WDR44: variants seen among roughly 807,000 people sequenced by gnomAD.
WDR44 encodes WD repeat domain 44, also known as WD repeat-containing protein 44.
Under a neutral mutation model 65.7 loss-of-function variants are expected in WDR44, and 9 were observed. That is an observed-to-expected ratio of 0.14 (90% confidence interval 0.08 to 0.24). WDR44 has a LOEUF of 0.24. Ranked by LOEUF, WDR44 falls within the 10% of genes least tolerant of loss-of-function variation. The pLI is 1.00. For missense variants in WDR44, 425 were observed against 670.9 expected (o/e 0.63, Z 4.05); for synonymous variants, 220 against 235.2 (o/e 0.94, Z 0.59).
Position 118,394,307 on chromosome X carries a change from C to T in WDR44, c.957+122C>T, listed in dbSNP as rs191979141. 1.2e-3 allele frequency: 1,199 copies of T among 978,144 alleles called. 2 individuals are homozygous for T. The highest frequency in any genetic ancestry group is 3.4e-3 in the South Asian group (132 of 38,418). The allele number at this position is 978,144 out of a possible 1,213,427, so 80.6% of individuals were successfully genotyped here. ...TTCTTTGTCCTCCAAACCTGACCCC[C>T]TTACTTCTCTTGATCAGCTCTGCTA... On this transcript the variant is annotated intron_variant, in intron 5 of 19. Coordinates refer to ENST00000254029, the MANE Select transcript of WDR44 (RefSeq NM_019045.5).
intron 19 of WDR44, among the ~76,000 whole-genome samples, chrX:118,447,848 T>A (rs1334665962): frequency 2.0e-5 from 2 of 98,955 alleles, no homozygotes; most frequent in Non-Finnish European, 4.1e-5. Flanking sequence ...CATTCCAGCC[T>A]GTGCAACAGA....
chrX:118,436,996 T>A (rs1021569701), intron 14 of WDR44, among the ~76,000 whole-genome samples, 172 bp downstream of exon 14: 4 of 112,123 alleles, frequency 3.6e-5, no homozygotes, highest in Non-Finnish European at 7.5e-5. Flanking sequence ...AATATTCTGC[T>A]GATCTGCATT....
At chrX:118,442,114 T>C in intron 15 of WDR44, 130 bp from the exon 16 acceptor site, 1 of 489,702 alleles carries the variant, frequency 2.0e-6, no homozygotes, top group East Asian at 3.6e-5. Context: ...CAATTGTTGC[T>C]CACTACAGCC....
At chrX:118,407,073 A>T in intron 10 of WDR44, 47 bp downstream of exon 10, 1 of 1,144,339 alleles carries the variant, frequency 8.7e-7, no homozygotes. Flanking sequence ...TTTTGTTAAG[A>T]GAAATACTTT....
At chrX:118,430,611 G>A (rs892860949) in intron 12 of WDR44, among the ~76,000 whole-genome samples, 9 of 107,748 alleles carry the variant, frequency 8.4e-5, no homozygotes, top group Non-Finnish European at 1.4e-4. Flanking sequence ...AGGCCGAGGC[G>A]GGTGGATCAC....
At position 118,346,454 on chromosome X, in the gene WDR44, C is replaced by A; in HGVS notation, c.-50C>A. Reference sequence around the variant, plus strand: ...GTCGACGAGGAGGAGACAAGAGTCACCCTTCCTCCAGGCGGCGCCGGCCCC... The same window carrying A: ...GTCGACGAGGAGGAGACAAGAGTCAACCTTCCTCCAGGCGGCGCCGGCCCC... On this transcript the variant is annotated 5_prime_UTR_variant, in exon 1 of 20. Transcript: ENST00000254029. The A allele has an allele frequency of 8.9e-7, 1 of 1,120,434 alleles. No individual in the cohort carries two copies. The highest frequency in any genetic ancestry group is 1.2e-6 in the Non-Finnish European group (1 of 813,439). The allele number at this position is 1,120,434 out of a possible 1,213,427, so 92.3% of individuals were successfully genotyped here. A position where few individuals can be genotyped will look rare whatever the true frequency, so the allele number is the denominator to read the frequency against.
At chrX:118,446,162 C>T (rs917715861) in intron 19 of WDR44, among the ~76,000 whole-genome samples, 21 of 111,428 alleles carry the variant, frequency 1.9e-4, no homozygotes, top group African/African-American at 6.8e-4. Context: ...TATGGTTGCA[C>T]ACCTCTGTAA....
At chrX:118,415,599 G>A (rs765812969) in intron 12 of WDR44, among the ~76,000 whole-genome samples, 7 of 111,560 alleles carry the variant, frequency 6.3e-5, no homozygotes, top group Admixed American at 3.8e-4. Context: ...CGCCTCCTGG[G>A]TTCCAACGAT....
At chrX:118,365,830 A>G (rs1385785366) in intron 1 of WDR44, among the ~76,000 whole-genome samples, 1 of 112,217 alleles carries the variant, frequency 8.9e-6, no homozygotes, top group African/African-American at 3.2e-5. Flanking sequence ...GGGCTCTTAA[A>G]CAATTAAACA....
chrX:118,386,136 G>C (rs1431864476), intron 2 of WDR44, among the ~76,000 whole-genome samples: 1 of 111,248 alleles, frequency 9.0e-6, no homozygotes, highest in Non-Finnish European at 1.9e-5. Context: ...ACTTGTATAA[G>C]TGCCACCTAA....
chrX:118,352,350 A>ATTTTTTT (rs2056419703), intron 1 of WDR44, among the ~76,000 whole-genome samples: 1 of 20,308 alleles, frequency 4.9e-5, no homozygotes, highest in Non-Finnish European at 6.6e-5. Context: ...ATATATATAT[A>ATTTTTTT]TATTTTTTTT....
chrX:118,366,570 A>G (rs1390320283), intron 1 of WDR44, among the ~76,000 whole-genome samples: 1 of 111,667 alleles, frequency 9.0e-6, no homozygotes, highest in Non-Finnish European at 1.9e-5. Flanking sequence ...CGAAAGAGAC[A>G]TATCAACTGA....
At chrX:118,395,510 TTA>T (rs755170111) in intron 6 of WDR44, among the ~76,000 whole-genome samples, 166 bp downstream of exon 6, 1 of 111,697 alleles carries the variant, frequency 9.0e-6, no homozygotes, top group South Asian at 3.7e-4. Flanking sequence ...ATGGTAAATT[TTA>T]TGTTATGTGT....
chrX:118,410,071 A>G (rs954427051), intron 11 of WDR44, among the ~76,000 whole-genome samples: 1 of 112,626 alleles, frequency 8.9e-6, no homozygotes, highest in African/African-American at 3.2e-5. Context: ...GCCTCAGAAC[A>G]TTATGTACAC....
chrX:118,364,187 A>G (rs2056534933), intron 1 of WDR44, among the ~76,000 whole-genome samples: 2 of 112,615 alleles, frequency 1.8e-5, no homozygotes, highest in African/African-American at 6.4e-5. Flanking sequence ...AACTATTATG[A>G]CAGTCTACAA....
At chrX:118,373,192 C>T (rs770050252) in intron 1 of WDR44, among the ~76,000 whole-genome samples, 40 of 110,958 alleles carry the variant, frequency 3.6e-4, no homozygotes, top group Non-Finnish European at 6.6e-4. Flanking sequence ...GGCATAGTAA[C>T]TTAGGGTCCT....
chrX:118,413,314 T>C (rs1056820935), intron 12 of WDR44, among the ~76,000 whole-genome samples: 8 of 112,322 alleles, frequency 7.1e-5, no homozygotes, highest in African/African-American at 2.6e-4. Flanking sequence ...CCACTAGCAG[T>C]GTAGAAGTGT....
intron 2 of WDR44, among the ~76,000 whole-genome samples, chrX:118,378,709 CGTGTGTGTGTGT>C (rs61698360): frequency 4.2e-5 from 4 of 94,455 alleles, no homozygotes; most frequent in Admixed American, 2.5e-4. Flanking sequence ...AATAAAAGAA[CGTGTGTGTGTGT>C]GTGTGTGTGT....
rs1235782983 is a variant in WDR44 at position 118,387,360 on chromosome X, C to T, written c.132C>T (p.Tyr44=). 1 of 1,197,467 alleles carries T rather than the reference C, an allele frequency of 8.4e-7. No individual in the cohort carries two copies. Among genetic ancestry groups the T allele is most frequent in the East Asian group, 3.0e-5 (1 of 33,283 alleles). ...STFKETENTA[Y]KVGNESPVQE... is the part of the protein sequence containing the mutation. ...AACAGGAAACAGAGAACACTGCATA[C>T]AAAGTTGGAAATGAGTCCCCTGTAC... The change falls in exon 3 of 20, where the codon TAC becomes TAT. Residue 44 remains tyrosine (Y), a synonymous_variant. Coordinates refer to ENST00000254029, the MANE Select transcript of WDR44 (RefSeq NM_019045.5).
Sources: allele counts gnomAD v4.1 joint callset (sites outside exome capture counted in the v4.1 genomes callset), GRCh38; gene constraint gnomAD v4.1.1; transcripts MANE v1.5; gene names NCBI Gene and HGNC (gene_info 2026-07-23, HGNC 2026-07-21).